The following ZRANB3 variants were observed in gnomAD, a reference collection of about 807,000 sequenced individuals.
The protein encoded by ZRANB3 is DNA annealing helicase and endonuclease ZRANB3.
Under a neutral mutation model 133.8 loss-of-function variants are expected in ZRANB3, and 125 were observed. That is an observed-to-expected ratio of 0.93 (90% confidence interval 0.81 to 1.08). The LOEUF (loss-of-function observed/expected upper bound fraction) is 1.08. Among genes scored for constraint, ZRANB3 ranks in the 50% least tolerant of loss-of-function variants. The probability of loss-of-function intolerance (pLI) is 0.00; values close to 1 mark genes in which losing one functional copy is unlikely to be tolerated. For synonymous variants in ZRANB3, 387 were observed against 432.7 expected (o/e 0.89, Z 1.31); for missense variants, 1,229 against 1,275.5 (o/e 0.96, Z 0.56).
chr2:135,319,144 T>C (rs1683397499), intron 6 of ZRANB3, among the ~76,000 whole-genome samples: 1 of 152,228 alleles, frequency 6.6e-6, no homozygotes, highest in Non-Finnish European at 1.5e-5. Flanking sequence ...GAGCCCTTTT[T>C]AGAGTTAGAC....
intron 2 of ZRANB3, among the ~76,000 whole-genome samples, chr2:135,421,595 ACATATTC>A (rs1688844763): frequency 6.6e-6 from 1 of 152,142 alleles, no homozygotes. Context: ...CAGATTTCCA[ACATATTC>A]CACAGCTCCT....
intron 2 of ZRANB3, among the ~76,000 whole-genome samples, chr2:135,499,022 A>T (rs1473119442): frequency 6.6e-6 from 1 of 152,154 alleles, no homozygotes; most frequent in Non-Finnish European, 1.5e-5. Flanking sequence ...CTTGTGAAGC[A>T]TGGGATCTCT....
chr2:135,335,767 C>T (rs185852066), intron 6 of ZRANB3, among the ~76,000 whole-genome samples: 2 of 152,250 alleles, frequency 1.3e-5, no homozygotes, highest in East Asian at 3.9e-4. Context: ...TATGTCTTCT[C>T]ACAGCATACT....
chr2:135,489,351 T>G (rs995269406), intron 2 of ZRANB3, among the ~76,000 whole-genome samples: 1 of 149,066 alleles, frequency 6.7e-6, no homozygotes, highest in African/African-American at 2.5e-5. Context: ...GAGATATACC[T>G]AATGCTAAAT....
At chr2:135,221,367 G>A (rs889720607) in intron 15 of ZRANB3, among the ~76,000 whole-genome samples, 2 of 152,060 alleles carry the variant, frequency 1.3e-5, no homozygotes, top group African/African-American at 2.4e-5. Context: ...GAAGAAGCAG[G>A]CTACTAGGCT....
At chr2:135,292,895 A>G (rs907186420) in intron 8 of ZRANB3, among the ~76,000 whole-genome samples, 1 of 151,860 alleles carries the variant, frequency 6.6e-6, no homozygotes, top group Admixed American at 6.6e-5. Flanking sequence ...GTCAAAGATC[A>G]GATAGCTGTA....
chr2:135,455,291 C>A (rs973020515), intron 2 of ZRANB3, among the ~76,000 whole-genome samples: 1 of 140,242 alleles, frequency 7.1e-6, no homozygotes, highest in Non-Finnish European at 1.5e-5. Context: ...CAGGTTCAAG[C>A]GATTCTCCTG....
intron 2 of ZRANB3, among the ~76,000 whole-genome samples, chr2:135,476,323 G>A (rs531270200): frequency 1.3e-5 from 2 of 152,234 alleles, no homozygotes; most frequent in African/African-American, 4.8e-5. Flanking sequence ...TTTCTTATTT[G>A]TTAGAGATTA....
chr2:135,203,147 G>C (rs1243086029), intron 19 of ZRANB3, among the ~76,000 whole-genome samples, 184 bp from the exon 20 acceptor site: 1 of 152,080 alleles, frequency 6.6e-6, no homozygotes, highest in Non-Finnish European at 1.5e-5. Context: ...AAAGCAATAA[G>C]ATGTGTTTCT....
intron 8 of ZRANB3, among the ~76,000 whole-genome samples, chr2:135,289,533 C>T (rs937967401): frequency 1.3e-5 from 2 of 152,198 alleles, no homozygotes; most frequent in African/African-American, 4.8e-5. Context: ...GGATTACTGG[C>T]GTGAGCCACT....
intron 2 of ZRANB3, among the ~76,000 whole-genome samples, chr2:135,418,462 A>T (rs941987189): frequency 6.6e-5 from 10 of 152,068 alleles, no homozygotes; most frequent in African/African-American, 2.4e-4. Flanking sequence ...TTTTTTTTTA[A>T]AATCTAGGGC....
In ZRANB3 at chr2:135,352,344, AAATT is replaced by A. The variant is rs1445104911; in HGVS notation, c.359+1102_359+1105del. Reference sequence around the variant, plus strand: ...GACACTCCGTCTCCAAAAAAAAAAAAAATTAATTAATTAAATTAAATAAATAAGG... The same window carrying A: ...GACACTCCGTCTCCAAAAAAAAAAAAAATTAATTAAATTAAATAAATAAGG... On this transcript the variant is annotated intron_variant, in intron 4 of 20. Coordinates refer to ENST00000264159, the MANE Select transcript of ZRANB3 (RefSeq NM_032143.4). Among the ~76,000 whole-genome samples, 398 of 152,062 alleles carry A rather than the reference AAATT, an allele frequency of 2.6e-3. 3 individuals are homozygous for A. The highest frequency in any genetic ancestry group is 8.9e-3 in the African/African-American group (368 of 41,522).
intron 13 of ZRANB3, 116 bp downstream of exon 13, chr2:135,230,397 A>G: frequency 1.1e-6 from 1 of 906,966 alleles, no homozygotes; most frequent in Non-Finnish European, 1.5e-6. Context: ...CCAATTTAAA[A>G]GCTAAAGTTG....
At chr2:135,441,958 G>A (rs1022204621) in intron 2 of ZRANB3, among the ~76,000 whole-genome samples, 3 of 152,096 alleles carry the variant, frequency 2.0e-5, no homozygotes, top group Non-Finnish European at 2.9e-5. Flanking sequence ...AATCCGAAAT[G>A]AGGGACATTC....
chr2:135,344,741 A>C (rs759068776), intron 6 of ZRANB3, among the ~76,000 whole-genome samples: 1 of 152,180 alleles, frequency 6.6e-6, no homozygotes, highest in Non-Finnish European at 1.5e-5. Flanking sequence ...ACTCCGTCTG[A>C]AAAAAATATG....
At chr2:135,408,566 G>A (rs1688153653) in intron 2 of ZRANB3, among the ~76,000 whole-genome samples, 1 of 152,110 alleles carries the variant, frequency 6.6e-6, no homozygotes, top group Non-Finnish European at 1.5e-5. Context: ...CAAAGACTTG[G>A]AACCAACCCA....
intron 10 of ZRANB3, among the ~76,000 whole-genome samples, chr2:135,269,954 A>T (rs931632436): frequency 6.6e-6 from 1 of 152,164 alleles, no homozygotes; most frequent in Non-Finnish European, 1.5e-5. Context: ...GTTCATATGC[A>T]CCAAACTCCT....
At chr2:135,392,813 C>T (rs1305106993) in intron 2 of ZRANB3, among the ~76,000 whole-genome samples, 3 of 151,928 alleles carry the variant, frequency 2.0e-5, no homozygotes, top group Non-Finnish European at 2.9e-5. Flanking sequence ...CCAATGAATG[C>T]ATTACAGTTA....
chr2:135,430,166 A>G (rs1307856742), intron 2 of ZRANB3, among the ~76,000 whole-genome samples: 1 of 151,862 alleles, frequency 6.6e-6, no homozygotes, highest in African/African-American at 2.4e-5. Context: ...ACAGAGCAAG[A>G]CTCTGTCTCA....
Sources: allele counts gnomAD v4.1 joint callset (sites outside exome capture counted in the v4.1 genomes callset), GRCh38; gene constraint gnomAD v4.1.1; transcripts MANE v1.5; gene names NCBI Gene and HGNC (gene_info 2026-07-23, HGNC 2026-07-21).